FYN: variants seen among roughly 807,000 people sequenced by gnomAD.
FYN encodes FYN proto-oncogene, Src family tyrosine kinase.
In FYN, 10 loss-of-function variants were observed where a neutral mutation model predicts 70.2. That is an observed-to-expected ratio of 0.14 (90% confidence interval 0.09 to 0.24). The LOEUF (loss-of-function observed/expected upper bound fraction) is 0.24, where lower values mean the gene tolerates loss of function less well. FYN is among the 10% of genes least tolerant of loss of function. The pLI is 1.00. For missense variants in FYN, 319 were observed against 673.1 expected (o/e 0.47, Z 5.82); for synonymous variants, 236 against 248.6 (o/e 0.95, Z 0.48).
At chr6:111,682,585 G>C (rs1214164281) in intron 12 of FYN, among the ~76,000 whole-genome samples, 4 of 152,214 alleles carry the variant, frequency 2.6e-5, no homozygotes, top group Admixed American at 2.0e-4. Context: ...TGCAGTAAGA[G>C]TACATAAGCC....
chr6:111,793,058 G>C (rs1771679858), intron 2 of FYN, among the ~76,000 whole-genome samples: 1 of 152,062 alleles, frequency 6.6e-6, no homozygotes, highest in Non-Finnish European at 1.5e-5. Context: ...AATCATCTCA[G>C]GGCGAACACG....
At chr6:111,863,810 T>C (rs577091344) in intron 1 of FYN, among the ~76,000 whole-genome samples, 5 of 152,376 alleles carry the variant, frequency 3.3e-5, no homozygotes, top group African/African-American at 4.8e-5. Context: ...TGCGGATTTA[T>C]GATCCCGGGC....
At chr6:111,837,497 G>A (rs898347228) in intron 2 of FYN, among the ~76,000 whole-genome samples, 1 of 152,102 alleles carries the variant, frequency 6.6e-6, no homozygotes, top group Admixed American at 6.5e-5. Flanking sequence ...CTTCCCTCTT[G>A]CCATTCTTCT....
intron 13 of FYN, among the ~76,000 whole-genome samples, chr6:111,671,932 T>C (rs1045615671): frequency 1.3e-5 from 2 of 152,200 alleles, no homozygotes; most frequent in Admixed American, 6.5e-5. Context: ...AATAGGATTA[T>C]AGCTATGTTA....
chr6:111,777,190 C>T (rs1477737228), intron 3 of FYN, among the ~76,000 whole-genome samples: 3 of 152,058 alleles, frequency 2.0e-5, no homozygotes, highest in African/African-American at 4.8e-5. Context: ...CTGTATAAGC[C>T]GTCAGAGGCC....
intron 3 of FYN, among the ~76,000 whole-genome samples, chr6:111,759,410 G>A (rs1802902513): frequency 1.3e-5 from 2 of 152,120 alleles, no homozygotes; most frequent in Non-Finnish European, 2.9e-5. Context: ...AGCAAAGAAT[G>A]GCATTTTTCC....
intron 12 of FYN, among the ~76,000 whole-genome samples, chr6:111,692,109 C>CCA (rs1554275095): frequency 6.9e-6 from 1 of 144,130 alleles, no homozygotes; most frequent in Non-Finnish European, 1.6e-5. Flanking sequence ...TTTCCCCCCC[C>CCA]CCCAGTTCAG....
chr6:111,707,986 T>A lies in FYN; in HGVS notation c.379A>T (p.Thr127Ser). ...GDWWEARSLT[T>S]GETGYIPSNY... ...CTGGGAATGTAACCTGTCTCTCCAG[T>A]TGTCAAGGAGCGGGCTTCCCACCAA... is the stretch of plus-strand genomic sequence containing the variant. The change falls in exon 6 of 14, where the codon ACT becomes TCT. Residue 127 changes from threonine (T) to serine (S), a missense_variant. Around this residue, in one of 4 missense-constraint regions of FYN, gnomAD observed 128 missense variants for 183.9 expected, o/e 0.70. Transcript: ENST00000354650. 1 of 1,614,060 alleles carries A rather than the reference T, an allele frequency of 6.2e-7. No homozygotes were observed. Among genetic ancestry groups the A allele is most frequent in the Non-Finnish European group, 8.5e-7 (1 of 1,179,930 alleles).
chr6:111,764,335 T>A (rs768072500), intron 3 of FYN, among the ~76,000 whole-genome samples: 80 of 151,898 alleles, frequency 5.3e-4, no homozygotes, highest in Non-Finnish European at 1.0e-3. Context: ...CTGGGGTTAC[T>A]GGTGCAGGGT....
At chr6:111,696,628 A>T (rs1357358895) in intron 9 of FYN, 172 bp from the exon 10 acceptor site, 3 of 507,302 alleles carry the variant, frequency 5.9e-6, no homozygotes, top group Non-Finnish European at 1.0e-5. Flanking sequence ...TTTAACAGAA[A>T]AAATGAGTTT....
At chr6:111,675,495 G>A (rs537614733) in intron 12 of FYN, among the ~76,000 whole-genome samples, 1 of 152,132 alleles carries the variant, frequency 6.6e-6, no homozygotes, top group African/African-American at 2.4e-5. Flanking sequence ...TGTGTGCAGG[G>A]AATTAAAAGG....
At chr6:111,737,053 C>T (rs1801739975) in intron 3 of FYN, among the ~76,000 whole-genome samples, 1 of 152,190 alleles carries the variant, frequency 6.6e-6, no homozygotes, top group African/African-American at 2.4e-5. Flanking sequence ...CCATTCTTGT[C>T]ACTATTTGTT....
intron 9 of FYN, among the ~76,000 whole-genome samples, chr6:111,699,076 C>T (rs899473936): frequency 2.6e-5 from 4 of 152,100 alleles, no homozygotes; most frequent in South Asian, 2.1e-4. Flanking sequence ...AGCAAGACTC[C>T]GTCTCAACAA....
chr6:111,768,988 ATGG>A, intron 3 of FYN, among the ~76,000 whole-genome samples: 1 of 152,156 alleles, frequency 6.6e-6, no homozygotes, highest in East Asian at 1.9e-4. Context: ...CTCTAGGGAA[ATGG>A]TGGGGAAAGA....
chr6:111,675,143 C>T (rs1462208193), intron 12 of FYN, among the ~76,000 whole-genome samples: 5 of 152,132 alleles, frequency 3.3e-5, no homozygotes, highest in Admixed American at 2.0e-4. Context: ...AATCTGCCTC[C>T]AGCTCCTTCT....
intron 1 of FYN, among the ~76,000 whole-genome samples, chr6:111,872,494 G>A (rs1774309001): frequency 6.9e-6 from 1 of 144,058 alleles, no homozygotes; most frequent in Non-Finnish European, 1.5e-5. Context: ...GTTGGAGAAG[G>A]CGACCGCCGC....
chr6:111,785,724 G>A (rs528660347), intron 2 of FYN, among the ~76,000 whole-genome samples: 1 of 151,580 alleles, frequency 6.6e-6, no homozygotes, highest in South Asian at 2.1e-4. Context: ...CAACGTGAAG[G>A]TTTGTTACAT....
intron 2 of FYN, among the ~76,000 whole-genome samples, chr6:111,809,794 C>A (rs2114297039): frequency 6.6e-6 from 1 of 152,156 alleles, no homozygotes; most frequent in South Asian, 2.1e-4. Flanking sequence ...ATATAAATTT[C>A]TTTTAAAAAT....
intron 3 of FYN, among the ~76,000 whole-genome samples, chr6:111,777,722 T>G (rs1771007592): frequency 6.6e-6 from 1 of 152,186 alleles, no homozygotes; most frequent in Non-Finnish European, 1.5e-5. Context: ...AAAAGAAACC[T>G]AGGCTTTTCA....
Sources: gnomAD v4.1 joint callset for allele counts (sites outside exome capture counted in the v4.1 genomes callset) on GRCh38, gnomAD v4.1.1 for gene constraint, gnomAD v4.1.1 regional missense constraint, MANE v1.5 for transcripts, NCBI Gene and HGNC (gene_info 2026-07-23, HGNC 2026-07-21) for gene names.